The following FHAD1 variants were observed in gnomAD, a reference collection of about 807,000 sequenced individuals.
FHAD1 encodes the protein forkhead associated phosphopeptide binding domain 1, also known as forkhead-associated domain-containing protein 1.
In FHAD1, 146 loss-of-function variants were observed where a neutral mutation model predicts 191.3. The observed-to-expected ratio is 0.76, with a 90% confidence interval of 0.67 to 0.88. The LOEUF (loss-of-function observed/expected upper bound fraction) is 0.88, where lower values mean the gene tolerates loss of function less well. Ranked by LOEUF, FHAD1 falls within the 40% of genes least tolerant of loss-of-function variation. FHAD1 has a pLI of 0.00. For missense variants in FHAD1, 1,635 were observed against 1,785.8 expected, an observed-to-expected ratio of 0.92 and a Z score of 1.52; for synonymous variants, 616 against 672.3, an observed-to-expected ratio of 0.92 and a Z score of 1.29.
intron 3 of FHAD1, among the ~76,000 whole-genome samples, chr1:15,282,333 T>C (rs942513234): frequency 2.0e-5 from 3 of 152,202 alleles, no homozygotes; most frequent in Non-Finnish European, 4.4e-5. Flanking sequence ...ACAAAGAATG[T>C]GTAGCACATT....
chr1:15,238,852 TCA>T (rs1460276513), intron 1 of FHAD1, among the ~76,000 whole-genome samples: 4 of 152,320 alleles, frequency 2.6e-5, no homozygotes, highest in Admixed American at 2.0e-4. Context: ...TTTCAGTGGT[TCA>T]CACCTTCCCT....
chr1:15,270,095 G>C (rs755389310), intron 2 of FHAD1, among the ~76,000 whole-genome samples: 5 of 152,068 alleles, frequency 3.3e-5, no homozygotes, highest in Non-Finnish European at 7.4e-5. Context: ...ATTTTTAGTA[G>C]AGATGGGTTT....
Position 15,247,358 on chromosome 1 carries a change from C to A in FHAD1, c.-52C>A. 1 of 233,988 alleles carries A rather than the reference C, an allele frequency of 4.3e-6. No individual in the cohort carries two copies. The highest frequency in any genetic ancestry group is 9.4e-6 in the Non-Finnish European group (1 of 106,724). 14.5% of individuals were successfully genotyped at this position (233,988 alleles called of 1,614,324 possible). On this transcript the variant is annotated 5_prime_UTR_variant, in exon 1 of 34. Transcript: ENST00000688493. ...ACGCCTCCCGAGCTGGCAGGGCTCTCGGCGGAGGTCGGAGCGTGGGCTTCC... is the reference window on the plus strand; with the variant it reads ...ACGCCTCCCGAGCTGGCAGGGCTCTAGGCGGAGGTCGGAGCGTGGGCTTCC...
At chr1:15,366,284 C>CAAA (rs35252287) in intron 24 of FHAD1, among the ~76,000 whole-genome samples, 2,996 of 44,138 alleles carry the variant, frequency 0.068, 202 homozygotes, top group South Asian at 0.1. Flanking sequence ...GACTCTGTCT[C>CAAA]AAAAAAAAAA....
intron 23 of FHAD1, among the ~76,000 whole-genome samples, chr1:15,363,261 C>T (rs1307335225): frequency 6.6e-6 from 1 of 152,172 alleles, no homozygotes; most frequent in East Asian, 1.9e-4. Flanking sequence ...CACAGTCTCA[C>T]TGCCATGATA....
intron 21 of FHAD1, 150 bp from the exon 22 acceptor site, chr1:15,360,328 G>T: frequency 1.6e-6 from 1 of 644,884 alleles, no homozygotes; most frequent in South Asian, 2.0e-5. Flanking sequence ...AAGGAGCTGG[G>T]GAAGAAGTGC....
chr1:15,376,511 G>A (rs894610766), intron 28 of FHAD1, among the ~76,000 whole-genome samples: 1 of 152,342 alleles, frequency 6.6e-6, no homozygotes, highest in Non-Finnish European at 1.5e-5. Flanking sequence ...AAAGGCAGGA[G>A]AAGGGATCCG....
At chr1:15,353,282 T>G (rs1448431499) in intron 20 of FHAD1, among the ~76,000 whole-genome samples, 6 of 152,148 alleles carry the variant, frequency 3.9e-5, no homozygotes, top group Non-Finnish European at 8.8e-5. Context: ...GTTAGCATGG[T>G]GAACTCATGG....
intron 10 of FHAD1, among the ~76,000 whole-genome samples, chr1:15,323,971 A>T (rs562142014): frequency 6.6e-6 from 1 of 152,218 alleles, no homozygotes; most frequent in Non-Finnish European, 1.5e-5. Flanking sequence ...GCAGTTCCTT[A>T]TGGTGTTAGG....
intron 21 of FHAD1, among the ~76,000 whole-genome samples, chr1:15,360,238 T>C (rs945092599): frequency 6.6e-6 from 1 of 152,216 alleles, no homozygotes; most frequent in African/African-American, 2.4e-5. Flanking sequence ...GGGCTACTCC[T>C]GATAGGTAGT....
downstream of FHAD1, among the ~76,000 whole-genome samples, chr1:15,399,686 CA>C (rs1706978429): frequency 6.6e-6 from 1 of 152,132 alleles, no homozygotes; most frequent in Non-Finnish European, 1.5e-5. Flanking sequence ...ACCATATCCC[CA>C]AATATAGAGC....
At chr1:15,270,241 G>A (rs960098623) in intron 2 of FHAD1, among the ~76,000 whole-genome samples, 2 of 152,024 alleles carry the variant, frequency 1.3e-5, no homozygotes, top group Non-Finnish European at 2.9e-5. Flanking sequence ...AGTTTTTCTT[G>A]TTCTGAAACT....
chr1:15,292,343 T>C (rs1171935603), intron 4 of FHAD1, among the ~76,000 whole-genome samples: 1 of 151,966 alleles, frequency 6.6e-6, no homozygotes, highest in African/African-American at 2.4e-5. Context: ...TGTTTTGTTT[T>C]GTCTTTTTGA....
intron 31 of FHAD1, among the ~76,000 whole-genome samples, chr1:15,385,120 G>A (rs1701812466): frequency 7.5e-6 from 1 of 133,010 alleles, no homozygotes; most frequent in South Asian, 2.3e-4. Flanking sequence ...AGGGAAAAAG[G>A]GGGAAAATCT....
At position 15,276,256 on chromosome 1, in the gene FHAD1, T is replaced by C. The variant is rs7512971; in HGVS notation, c.300+3727T>C. 0.34 allele frequency among the ~76,000 whole-genome samples: 51,052 copies of C among 152,088 alleles called. 9,153 individuals carry two copies. The highest frequency in any genetic ancestry group is 0.48 in the African/African-American group (20,053 of 41,462). ...ATTGTTTGCAAATTGCTTAGCCCAG[T>C]ATCTGGTGCCTATGATAGCAGGAAG... On this transcript the variant is annotated intron_variant, in intron 3 of 33. Coordinates refer to ENST00000688493, the MANE Select transcript of FHAD1 (RefSeq NM_001391957.1). The surrounding 1 kb of genome is among the most constrained non-coding windows in gnomAD (Gnocchi z 4.7).
chr1:15,267,015 G>T (rs1653832888), intron 2 of FHAD1, among the ~76,000 whole-genome samples: 1 of 151,954 alleles, frequency 6.6e-6, no homozygotes, highest in South Asian at 2.1e-4. Context: ...TGGCAATTAT[G>T]AATAAAGATG....
At chr1:15,259,049 C>T (rs989598252) in intron 2 of FHAD1, among the ~76,000 whole-genome samples, 4 of 152,192 alleles carry the variant, frequency 2.6e-5, no homozygotes, top group Admixed American at 2.0e-4. Context: ...CATAAGGGCT[C>T]CAGTCTCCCC....
chr1:15,291,105 T>C (rs114984900), intron 4 of FHAD1, among the ~76,000 whole-genome samples: 2,273 of 146,506 alleles, frequency 0.016, 55 homozygotes, highest in East Asian at 0.08. Context: ...CATTTTACTA[T>C]ACTCTTTTTT....
rs1205260538 is a variant in FHAD1, at chr1:15,398,322, C to T, written c.*909C>T. ...TGTTTATTGTAATAAATTTAGAACA[C>T]CAATCAGTTTTATTGCTTCCATAAT... On this transcript the variant is annotated 3_prime_UTR_variant, in exon 34 of 34. Transcript: ENST00000688493. Among the ~76,000 whole-genome samples the T allele has an allele frequency of 1.3e-5, 2 of 151,324 alleles. No individual in the cohort carries two copies. Among genetic ancestry groups the T allele is most frequent in the Non-Finnish European group, 2.9e-5 (2 of 67,814 alleles).
Sources: gnomAD v4.1 joint callset for allele counts (sites outside exome capture counted in the v4.1 genomes callset) on GRCh38, gnomAD v4.1.1 for gene constraint, Gnocchi (gnomAD v3.1) non-coding constraint, MANE v1.5 for transcripts, NCBI Gene and HGNC (gene_info 2026-07-23, HGNC 2026-07-21) for gene names.